Variants in CPVL observed in about 807,000 individuals in gnomAD.
The protein encoded by CPVL is probable serine carboxypeptidase CPVL.
A neutral mutation model predicts 63.7 loss-of-function variants in CPVL; 51 were observed. That is an observed-to-expected ratio of 0.80 (90% CI 0.64 to 1.01). The LOEUF (loss-of-function observed/expected upper bound fraction) is 1.01. Ranked by LOEUF, CPVL falls within the 50% of genes least tolerant of loss-of-function variation. The pLI is 0.00. For missense variants in CPVL, 530 were observed against 573.1 expected (o/e 0.92, Z 0.77); for synonymous variants, 195 against 206.0 (o/e 0.95, Z 0.46).
intron 11 of CPVL, among the ~76,000 whole-genome samples, chr7:29,052,751 T>C (rs1790317612): frequency 6.6e-6 from 1 of 151,840 alleles, no homozygotes; most frequent in Non-Finnish European, 1.5e-5. Flanking sequence ...CTACTAAAAA[T>C]ATAAAAAATT....
At chr7:29,152,357 G>A (rs1793711532) in intron 5 of CPVL, among the ~76,000 whole-genome samples, 1 of 152,168 alleles carries the variant, frequency 6.6e-6, no homozygotes, top group Admixed American at 6.5e-5. Context: ...GGAGCACCAA[G>A]CAGTGAGAAA....
Position 29,072,431 on chromosome 7 carries a change from G to A in CPVL, c.610-8C>T, listed in dbSNP as rs150276935. 212 of 1,610,648 alleles carry A rather than the reference G, an allele frequency of 1.3e-4. No individual in the cohort carries two copies. In the African/African-American group the frequency reaches 2.3e-3, roughly 18 times the overall value. ...ATATTTCCCTGCATAAGACTGAGAA[G>A]GACAGATGTTGAAATGGCCAATCAC... On this transcript the variant is annotated splice_region_variant and splice_polypyrimidine_tract_variant and intron_variant, in intron 7 of 12. Transcript: ENST00000265394.
At chr7:29,143,866 A>T (rs1013541342) in intron 1 of CPVL, among the ~76,000 whole-genome samples, 1 of 152,216 alleles carries the variant, frequency 6.6e-6, no homozygotes, top group African/African-American at 2.4e-5. Context: ...CAATGAAAGC[A>T]TGTGATTTCA....
chr7:29,028,928 C>T (rs975514673), intron 12 of CPVL, among the ~76,000 whole-genome samples: 13 of 142,062 alleles, frequency 9.2e-5, no homozygotes, highest in South Asian at 2.2e-4. Context: ...GATCCTGCCA[C>T]GGCACTCCAG....
At chr7:29,168,115 A>AATATCTC (rs947962884) in intron 5 of CPVL, among the ~76,000 whole-genome samples, 1 of 152,200 alleles carries the variant, frequency 6.6e-6, no homozygotes, top group African/African-American at 2.4e-5. Context: ...TAACATACAG[A>AATATCTC]ATATCTCATT....
chr7:29,104,325 G>A (rs1037969956), intron 3 of CPVL, among the ~76,000 whole-genome samples: 47 of 152,106 alleles, frequency 3.1e-4, no homozygotes, highest in Admixed American at 2.0e-4. Flanking sequence ...GCAATGGCAC[G>A]ACTTGGCTCA....
At chr7:29,119,487 A>G (rs931512529) in intron 2 of CPVL, among the ~76,000 whole-genome samples, 1 of 5,106 alleles carries the variant, frequency 2.0e-4, no homozygotes, top group African/African-American at 1.5e-3. Flanking sequence ...TTCTGTCTCA[A>G]AAAAAAAAAA....
At chr7:29,129,251 A>C (rs1186654602) in intron 1 of CPVL, among the ~76,000 whole-genome samples, 1 of 152,200 alleles carries the variant, frequency 6.6e-6, no homozygotes, top group East Asian at 1.9e-4. Context: ...AGGCAGATCC[A>C]TGAATATTTG....
chr7:29,046,912 A>AT (rs1314637246), intron 11 of CPVL, among the ~76,000 whole-genome samples: 2 of 152,132 alleles, frequency 1.3e-5, no homozygotes, highest in African/African-American at 2.4e-5. Flanking sequence ...GTGCATTCGC[A>AT]TTTTTTTAAT....
rs549026484 is a variant in CPVL at position 29,036,190 on chromosome 7, A to G, written c.1138-5431T>C. 2.1e-4 allele frequency among the ~76,000 whole-genome samples: 32 copies of G among 152,326 alleles called. No individual in the cohort carries two copies. In the South Asian group the frequency reaches 6.7e-3, roughly 32 times the overall value. On this transcript the variant is annotated intron_variant, in intron 11 of 12. Coordinates refer to ENST00000265394, the MANE Select transcript of CPVL (RefSeq NM_031311.5). ...CCAGTGCAGTGCATGCCAACACACC[A>G]TAACTGGAACTCGTAGACATGTGGG...
intron 1 of CPVL, among the ~76,000 whole-genome samples, chr7:29,123,918 T>C (rs962200968): frequency 6.6e-6 from 1 of 151,978 alleles, no homozygotes; most frequent in African/African-American, 2.4e-5. Flanking sequence ...TTAATTGATA[T>C]AAATCTAATA....
At chr7:29,005,327 A>G (rs1478187778) in intron 12 of CPVL, among the ~76,000 whole-genome samples, 1 of 152,214 alleles carries the variant, frequency 6.6e-6, no homozygotes, top group Non-Finnish European at 1.5e-5. Context: ...TAAGAAGTGA[A>G]GAGGAGAAAT....
In CPVL at chr7:29,021,499, A is replaced by AAAAGGAAAGGGAAGTGAAGCAT. The variant is rs575083100; in HGVS notation, c.1320+9077_1320+9078insATGCTTCACTTCCCTTTCCTTT. Among the ~76,000 whole-genome samples, 1,144 of 152,166 alleles carry AAAAGGAAAGGGAAGTGAAGCAT rather than the reference A, an allele frequency of 7.5e-3. 4 individuals are homozygous for AAAAGGAAAGGGAAGTGAAGCAT. The highest frequency in any genetic ancestry group is 0.011 in the Non-Finnish European group (719 of 68,000). On this transcript the variant is annotated intron_variant, in intron 12 of 12. Coordinates refer to ENST00000265394, the MANE Select transcript of CPVL (RefSeq NM_031311.5). ...GTGACTGGGAACTTCTGAGGCATAG[A>AAAAGGAAAGGGAAGTGAAGCAT]AGGAAAGGGAAGTGAAGCAGCTAAC...
intron 3 of CPVL, among the ~76,000 whole-genome samples, chr7:29,106,025 C>T (rs760525843): frequency 1.3e-5 from 2 of 152,162 alleles, no homozygotes; most frequent in Admixed American, 6.5e-5. Context: ...GTCCAGACCT[C>T]GGTGGAGAAG....
intron 11 of CPVL, among the ~76,000 whole-genome samples, chr7:29,042,222 AG>A (rs1789173989): frequency 6.6e-6 from 1 of 152,152 alleles, no homozygotes; most frequent in African/African-American, 2.4e-5. Flanking sequence ...GGGAGCAGAC[AG>A]GAACTATGGG....
rs76063687 is a variant in CPVL at position 29,022,379 on chromosome 7, T to C, written c.1320+8198A>G. Among the ~76,000 whole-genome samples the C allele has an allele frequency of 1.2e-3, 178 of 152,212 alleles. 6 individuals are homozygous for C. The East Asian group carries it at 0.033, about 28-fold the overall frequency. On this transcript the variant is annotated intron_variant, in intron 12 of 12. Coordinates refer to ENST00000265394, the MANE Select transcript of CPVL (RefSeq NM_031311.5). The stretch of plus-strand genomic sequence containing the variant: ...CTGCCACTGGTGCCCACATACATCA[T>C]CAAAGTGCCTAAAGATACCCATTGC...
chr7:29,098,839 G>C (rs1195392553), intron 3 of CPVL, among the ~76,000 whole-genome samples: 2 of 152,134 alleles, frequency 1.3e-5, no homozygotes, highest in Admixed American at 6.5e-5. Context: ...GAGGCGGGCG[G>C]ATCACCAGAG....
At chr7:29,187,691 G>A (rs1276272308) in intron 1 of CPVL, among the ~76,000 whole-genome samples, 1 of 151,988 alleles carries the variant, frequency 6.6e-6, no homozygotes, top group Non-Finnish European at 1.5e-5. Context: ...TTGCACCATT[G>A]CACTCCAGCC....
chr7:29,166,783 T>C (rs1795976455), intron 5 of CPVL, among the ~76,000 whole-genome samples: 1 of 152,156 alleles, frequency 6.6e-6, no homozygotes, highest in Non-Finnish European at 1.5e-5. Context: ...GGTTTATCAC[T>C]CACTGATCTC....
Sources: allele counts gnomAD v4.1 joint callset (sites outside exome capture counted in the v4.1 genomes callset), GRCh38; gene constraint gnomAD v4.1.1; transcripts MANE v1.5; gene names NCBI Gene and HGNC (gene_info 2026-07-23, HGNC 2026-07-21).